FTCDNL1: variants seen among roughly 807,000 people sequenced by gnomAD.
FTCDNL1 encodes the protein formiminotransferase cyclodeaminase N-terminal like.
FTCDNL1 carries 11 observed loss-of-function variants against 5.9 expected under a neutral mutation model. The ratio of observed to expected loss-of-function variants is 1.87; its 90% confidence interval spans 1.18 to 3.10. The LOEUF (loss-of-function observed/expected upper bound fraction) is 3.10, where lower values mean the gene tolerates loss of function less well. FTCDNL1 is among the 30% of genes most tolerant of loss of function. The probability of loss-of-function intolerance (pLI) is 0.00; values close to 1 mark genes in which losing one functional copy is unlikely to be tolerated. For synonymous variants in FTCDNL1, 58 were observed against 24.8 expected (o/e 2.34, Z -3.99); for missense variants, 115 against 65.5 (o/e 1.76, Z -2.61).
downstream of FTCDNL1, among the ~76,000 whole-genome samples, chr2:199,757,162 C>T (rs1698100757): frequency 6.6e-6 from 1 of 152,190 alleles, no homozygotes; most frequent in African/African-American, 2.4e-5. Context: ...GGAAGAAGAA[C>T]CTCCTCTTTG....
At chr2:199,805,927 A>G (rs1451598819), downstream of FTCDNL1, among the ~76,000 whole-genome samples, 1 of 152,008 alleles carries the variant, frequency 6.6e-6, no homozygotes, top group Non-Finnish European at 1.5e-5. Context: ...TTGAAAAAAA[A>G]AAAAAGTATA....
the FTCDNL1 span, among the ~76,000 whole-genome samples, chr2:199,691,101 T>C: frequency 2.0e-5 from 3 of 152,238 alleles, no homozygotes; most frequent in Non-Finnish European, 4.4e-5. Context: ...TGGAATTTGC[T>C]ATAGTGCATT....
chr2:199,808,412 AC>A (rs1700845285), downstream of FTCDNL1, among the ~76,000 whole-genome samples: 1 of 152,216 alleles, frequency 6.6e-6, no homozygotes, highest in Admixed American at 6.5e-5. Flanking sequence ...AATGTGCATA[AC>A]ATACAATTTG....
intron 3 of FTCDNL1, among the ~76,000 whole-genome samples, chr2:199,774,006 C>T (rs759919907): frequency 3.9e-5 from 6 of 152,168 alleles, no homozygotes; most frequent in Non-Finnish European, 8.8e-5. Context: ...AATAGAGTGT[C>T]CTCTGTCCTG....
rs1700946951 is a variant in FTCDNL1 at position 199,810,017 on chromosome 2, T to C, written c.*2688A>G. ...TAGGCTATAATCAGGTAACTTTATC[T>C]ACTCTAAACTATCCGAAGGATTTTT... On this transcript the variant is annotated 3_prime_UTR_variant, in exon 5 of 5. Coordinates refer to ENST00000420128, the MANE Select transcript of FTCDNL1 (RefSeq NM_001363886.2). Among the ~76,000 whole-genome samples the C allele has an allele frequency of 6.6e-6, 1 of 152,126 alleles. No homozygotes were observed. The highest frequency in any genetic ancestry group is 1.5e-5 in the Non-Finnish European group (1 of 68,024).
chr2:199,673,327 CAAAAA>C, the FTCDNL1 span, among the ~76,000 whole-genome samples: 26 of 69,792 alleles, frequency 3.7e-4, no homozygotes, highest in Non-Finnish European at 2.6e-5. Flanking sequence ...GACTCTGTCT[CAAAAA>C]AAAAAAAAAA....
intron 3 of FTCDNL1, among the ~76,000 whole-genome samples, chr2:199,775,706 T>C (rs1167754325): frequency 6.6e-6 from 1 of 152,016 alleles, no homozygotes. Flanking sequence ...GTTTAGAACA[T>C]AAAGAAAGGA....
At chr2:199,696,116 C>G in the FTCDNL1 span, among the ~76,000 whole-genome samples, 1 of 152,212 alleles carries the variant, frequency 6.6e-6, no homozygotes, top group African/African-American at 2.4e-5. Flanking sequence ...TCAGTAGGCA[C>G]TCTCCCGCAG....
chr2:199,732,865 T>C, the FTCDNL1 span, among the ~76,000 whole-genome samples: 1 of 152,262 alleles, frequency 6.6e-6, no homozygotes, highest in Non-Finnish European at 1.5e-5. Context: ...ATTCTTTTTA[T>C]GGCAAAGGGA....
chr2:199,814,732 C>G (rs965165936), intron 4 of FTCDNL1, among the ~76,000 whole-genome samples: 1 of 152,160 alleles, frequency 6.6e-6, no homozygotes, highest in Admixed American at 6.5e-5. Flanking sequence ...GCTTCCTAGC[C>G]AGCATCAGCA....
At chr2:199,773,818 G>T (rs185139489) in intron 3 of FTCDNL1, among the ~76,000 whole-genome samples, 2 of 152,116 alleles carry the variant, frequency 1.3e-5, no homozygotes, top group South Asian at 4.2e-4. Context: ...ATTGCATCTC[G>T]CTTCTGATAT....
At chr2:199,678,650 TA>T in the FTCDNL1 span, among the ~76,000 whole-genome samples, 80 of 150,672 alleles carry the variant, frequency 5.3e-4, 1 homozygote, top group South Asian at 1.0e-3. Context: ...CACTGAAATA[TA>T]AAAAAAAACA....
chr2:199,730,649 T>C, the FTCDNL1 span, among the ~76,000 whole-genome samples: 3 of 152,212 alleles, frequency 2.0e-5, no homozygotes, highest in Non-Finnish European at 4.4e-5. Context: ...TGAGATGCCA[T>C]CTCATGCAAG....
chr2:199,742,961 GC>G, the FTCDNL1 span, among the ~76,000 whole-genome samples: 1 of 152,202 alleles, frequency 6.6e-6, no homozygotes, highest in Non-Finnish European at 1.5e-5. Flanking sequence ...AAATAAGCGA[GC>G]ATTATAAAGA....
intron 3 of FTCDNL1, among the ~76,000 whole-genome samples, chr2:199,769,721 G>T (rs182740890): frequency 3.3e-5 from 5 of 152,144 alleles, no homozygotes; most frequent in African/African-American, 1.2e-4. Flanking sequence ...TGGTCCCCAC[G>T]CCTACCCCTT....
chr2:199,807,962 G>A (rs113404971), downstream of FTCDNL1, among the ~76,000 whole-genome samples: 2 of 151,212 alleles, frequency 1.3e-5, no homozygotes, highest in East Asian at 1.9e-4. Context: ...CTGAATTATC[G>A]GGGGTGCATT....
At chr2:199,719,459 C>T in the FTCDNL1 span, among the ~76,000 whole-genome samples, 12 of 152,174 alleles carry the variant, frequency 7.9e-5, no homozygotes, top group Admixed American at 3.9e-4. Context: ...CAGGTAAATG[C>T]GATACCTTAA....
the FTCDNL1 span, among the ~76,000 whole-genome samples, chr2:199,710,373 G>C: frequency 6.6e-6 from 1 of 152,032 alleles, no homozygotes; most frequent in African/African-American, 2.4e-5. Flanking sequence ...CAGTGTTAAT[G>C]AATCAACAAT....
the FTCDNL1 span, among the ~76,000 whole-genome samples, chr2:199,705,348 T>C: frequency 6.6e-6 from 1 of 152,328 alleles, no homozygotes; most frequent in South Asian, 2.1e-4. Flanking sequence ...CTTCTAAATG[T>C]ATCCCTATAA....
Sources: allele counts gnomAD v4.1 joint callset (sites outside exome capture counted in the v4.1 genomes callset), GRCh38; gene constraint gnomAD v4.1.1; transcripts MANE v1.5; gene names NCBI Gene and HGNC (gene_info 2026-07-23, HGNC 2026-07-21).